KATNIP: variants seen among roughly 807,000 people sequenced by gnomAD.
KATNIP encodes katanin-interacting protein.
Under a neutral mutation model 174.0 loss-of-function variants are expected in KATNIP, and 126 were observed. The ratio of observed to expected loss-of-function variants is 0.72; its 90% CI spans 0.63 to 0.84. The LOEUF is 0.84. Ranked by LOEUF, KATNIP falls within the 40% of genes least tolerant of loss-of-function variation. The pLI is 0.00. For missense variants in KATNIP, 1,958 were observed against 2,109.7 expected, an observed-to-expected ratio of 0.93 and a Z score of 1.41; for synonymous variants, 810 against 835.7, an observed-to-expected ratio of 0.97 and a Z score of 0.53.
chr16:27,708,402 C>T (rs1002839330), intron 12 of KATNIP: 4 of 297,226 alleles, frequency 1.3e-5, no homozygotes, highest in East Asian at 7.1e-5. Flanking sequence ...GGGGGAGAGA[C>T]GTGCATGTTC....
chr16:27,753,329 C>T (rs1429395347), intron 17 of KATNIP, among the ~76,000 whole-genome samples: 2 of 152,316 alleles, frequency 1.3e-5, no homozygotes, highest in South Asian at 2.1e-4. Flanking sequence ...GCTCCTGATT[C>T]GACCCAGGGG....
chr16:27,586,223 A>G (rs1466004024), intron 2 of KATNIP, among the ~76,000 whole-genome samples: 2 of 152,230 alleles, frequency 1.3e-5, no homozygotes, highest in Non-Finnish European at 2.9e-5. Flanking sequence ...GTATCCCTGT[A>G]TAAAAACATC....
intron 1 of KATNIP, among the ~76,000 whole-genome samples, chr16:27,566,130 C>T (rs915759514): frequency 1.3e-5 from 2 of 151,980 alleles, no homozygotes; most frequent in South Asian, 2.1e-4. Flanking sequence ...CACTGTGCCC[C>T]TCCTGGGCAG....
At chr16:27,570,331 A>C (rs2090240899) in intron 1 of KATNIP, among the ~76,000 whole-genome samples, 1 of 152,022 alleles carries the variant, frequency 6.6e-6, no homozygotes, top group East Asian at 1.9e-4. Flanking sequence ...TGGGAGGCCT[A>C]GACAGGCGGT....
intron 6 of KATNIP, among the ~76,000 whole-genome samples, chr16:27,661,124 A>G (rs947149000): frequency 6.6e-6 from 1 of 152,230 alleles, no homozygotes; most frequent in South Asian, 2.1e-4. Flanking sequence ...ATAATCTAAC[A>G]AGGAATTTTT....
chr16:27,770,029 A>G lies in KATNIP; in HGVS notation c.4133+11A>G. On this transcript the variant is annotated intron_variant, in intron 21 of 27. Transcript: ENST00000261588. ...CCAGCCGGCCAGGAGGTGAGGAGAAAGTGGGCGCCACACACAGCCCCTCCC... is the reference window on the plus strand; with the variant it reads ...CCAGCCGGCCAGGAGGTGAGGAGAAGGTGGGCGCCACACACAGCCCCTCCC... The G allele has an allele frequency of 6.2e-7, 1 of 1,610,698 alleles. No homozygotes were observed. Among genetic ancestry groups the G allele is most frequent in the Non-Finnish European group, 8.5e-7 (1 of 1,177,222 alleles).
At chr16:27,558,844 T>C (rs1049978203) in intron 1 of KATNIP, among the ~76,000 whole-genome samples, 2 of 152,188 alleles carry the variant, frequency 1.3e-5, no homozygotes, top group Non-Finnish European at 2.9e-5. Context: ...GTGTCTGTTT[T>C]ATACCACACA....
chr16:27,655,753 AT>A (rs1238043728), intron 6 of KATNIP, among the ~76,000 whole-genome samples: 1 of 152,124 alleles, frequency 6.6e-6, no homozygotes, highest in African/African-American at 2.4e-5. Context: ...TAAAGAAATA[AT>A]GTTGCTCACC....
At chr16:27,587,064 G>A (rs2090931407) in intron 2 of KATNIP, among the ~76,000 whole-genome samples, 1 of 152,084 alleles carries the variant, frequency 6.6e-6, no homozygotes, top group African/African-American at 2.4e-5. Context: ...GGGGCAGACA[G>A]CCTGGGTTCA....
intron 14 of KATNIP, among the ~76,000 whole-genome samples, chr16:27,737,252 G>A (rs979089242): frequency 6.6e-6 from 1 of 152,116 alleles, no homozygotes; most frequent in African/African-American, 2.4e-5. Flanking sequence ...TCGTGGTGAC[G>A]TGTACCTGTA....
At chr16:27,608,632 C>G (rs1318458283) in intron 2 of KATNIP, among the ~76,000 whole-genome samples, 1 of 152,020 alleles carries the variant, frequency 6.6e-6, no homozygotes, top group African/African-American at 2.4e-5. Flanking sequence ...ATCCTGCCAC[C>G]TCAGCCTCCC....
intron 8 of KATNIP, among the ~76,000 whole-genome samples, chr16:27,685,863 A>T (rs1478354857): frequency 1.3e-5 from 2 of 152,214 alleles, no homozygotes; most frequent in Non-Finnish European, 2.9e-5. Context: ...GCTGTAAAGG[A>T]AGTAAAAAGT....
Position 27,648,683 on chromosome 16 carries a change from T to C in KATNIP, c.488T>C (p.Leu163Pro). 2.5e-6 allele frequency: 4 copies of C among 1,614,188 alleles called. No homozygotes were observed. Among genetic ancestry groups the C allele is most frequent in the Non-Finnish European group, 3.4e-6 (4 of 1,180,036 alleles). Reference protein sequence around the residue: ...PPVDYSDDFELCGDVTLQANN... With the variant: ...PPVDYSDDFEPCGDVTLQANN... ...GTGGACTATTCTGATGATTTTGAGCTGTGTGGGGATGTGACTCTCCAGGCA... is the reference window on the plus strand; with the variant it reads ...GTGGACTATTCTGATGATTTTGAGCCGTGTGGGGATGTGACTCTCCAGGCA... The change falls in exon 6 of 28, where the codon CTG becomes CCG. Residue 163 changes from leucine to proline, a missense_variant. Transcript: ENST00000261588.
At chr16:27,647,851 A>G (rs532671455) in intron 5 of KATNIP, among the ~76,000 whole-genome samples, 18 of 152,066 alleles carry the variant, frequency 1.2e-4, no homozygotes, top group African/African-American at 4.1e-4. Flanking sequence ...GGGTCTCACT[A>G]TGTTGCCTAG....
intron 6 of KATNIP, among the ~76,000 whole-genome samples, chr16:27,666,802 G>A (rs2077703689): frequency 6.6e-6 from 1 of 152,188 alleles, no homozygotes; most frequent in South Asian, 2.1e-4. Context: ...CGAGGTAGGA[G>A]GATCACTTGA....
intron 15 of KATNIP, 74 bp from the exon 16 acceptor site, chr16:27,749,510 G>A: frequency 6.7e-7 from 1 of 1,482,454 alleles, no homozygotes; most frequent in Non-Finnish European, 9.0e-7. Flanking sequence ...CACCACAGGA[G>A]ACAGTCTCTA....
chr16:27,733,850 G>A (rs2080795896), intron 14 of KATNIP, among the ~76,000 whole-genome samples: 1 of 152,078 alleles, frequency 6.6e-6, no homozygotes, highest in Non-Finnish European at 1.5e-5. Context: ...ATCCAGACTC[G>A]CAGAATCTTC....
At chr16:27,627,358 G>A (rs2076364822) in intron 3 of KATNIP, among the ~76,000 whole-genome samples, 1 of 152,244 alleles carries the variant, frequency 6.6e-6, no homozygotes, top group Non-Finnish European at 1.5e-5. Flanking sequence ...GCATGAGGCT[G>A]TGATATGCCT....
chr16:27,754,858 T>C (rs1239015667), intron 18 of KATNIP: 2 of 152,308 alleles, frequency 1.3e-5, no homozygotes, highest in Non-Finnish European at 2.9e-5. Flanking sequence ...AAAACACTTA[T>C]TGTGTATCTG....
Sources: allele counts gnomAD v4.1 joint callset (sites outside exome capture counted in the v4.1 genomes callset), GRCh38; gene constraint gnomAD v4.1.1; transcripts MANE v1.5; gene names NCBI Gene and HGNC (gene_info 2026-07-23, HGNC 2026-07-21).